C1QTNF2: variants seen among roughly 807,000 people sequenced by gnomAD.
C1QTNF2 encodes the protein complement C1q tumor necrosis factor-related protein 2.
C1QTNF2 carries 15 observed loss-of-function variants against 17.4 expected under a neutral mutation model. The ratio of observed to expected loss-of-function variants is 0.86; its 90% CI spans 0.58 to 1.33. The LOEUF is 1.33. Ranked by LOEUF, C1QTNF2 falls within the 40% of genes most tolerant of loss-of-function variation. The pLI is 0.00. For synonymous variants in C1QTNF2, 154 were observed against 163.3 expected, an observed-to-expected ratio of 0.94 and a Z score of 0.44; for missense variants, 381 against 392.3, an observed-to-expected ratio of 0.97 and a Z score of 0.24.
At chr5:160,352,259 C>T (rs547560283) in intron 2 of C1QTNF2, among the ~76,000 whole-genome samples, 161 of 152,298 alleles carry the variant, frequency 1.1e-3, no homozygotes, top group African/African-American at 3.8e-3. Context: ...GATAAAAAAG[C>T]TTACCAGGAG....
chr5:160,351,302 G>A (rs1264627675), intron 2 of C1QTNF2, among the ~76,000 whole-genome samples: 2 of 152,160 alleles, frequency 1.3e-5, no homozygotes. Flanking sequence ...AACATTTTAA[G>A]CAAAACCTAT....
At chr5:160,369,434 G>A (rs577490836) in intron 1 of C1QTNF2, among the ~76,000 whole-genome samples, 9 of 152,104 alleles carry the variant, frequency 5.9e-5, no homozygotes, top group African/African-American at 4.8e-5. Context: ...TTTGAGGATC[G>A]GGCAGTTGAA....
Position 160,349,027 on chromosome 5 carries a change from G to C in C1QTNF2, c.*141C>G. ...AAAAAGGTTTGGATTTAATGAAGGG[G>C]AAAAAAAGAGGCAGAGGAGGTGAGC... On this transcript the variant is annotated 3_prime_UTR_variant, in exon 3 of 3. Coordinates refer to ENST00000652664, the MANE Select transcript of C1QTNF2 (RefSeq NM_031908.6). This position sits in a 1 kb window ranked among gnomAD's most constrained non-coding sequence, Gnocchi z 4.3. 1 of 1,012,830 alleles carries C rather than the reference G, an allele frequency of 9.9e-7. No individual in the cohort carries two copies. Among genetic ancestry groups the C allele is most frequent in the Non-Finnish European group, 1.4e-6 (1 of 697,188 alleles). The allele number at this position is 1,012,830 out of a possible 1,614,324, so 62.7% of individuals were successfully genotyped here. A position where few individuals can be genotyped will look rare whatever the true frequency, so the allele number is the denominator to read the frequency against.
At chr5:160,359,447 T>C (rs557208628) in intron 1 of C1QTNF2, among the ~76,000 whole-genome samples, 1 of 152,368 alleles carries the variant, frequency 6.6e-6, no homozygotes, top group South Asian at 2.1e-4. Flanking sequence ...GCATTTCTTA[T>C]ATTTTTCCCC....
At chr5:160,360,043 G>C (rs1291782122) in intron 1 of C1QTNF2, among the ~76,000 whole-genome samples, 4 of 151,800 alleles carry the variant, frequency 2.6e-5, no homozygotes, top group Admixed American at 2.6e-4. Context: ...TTGGTTTGCT[G>C]GCTCTTTATC....
chr5:160,351,412 CT>C (rs1486966219), intron 2 of C1QTNF2, among the ~76,000 whole-genome samples: 1 of 152,150 alleles, frequency 6.6e-6, no homozygotes, highest in African/African-American at 2.4e-5. Flanking sequence ...TAACAAGTTA[CT>C]TTGTTTCTTA....
intron 1 of C1QTNF2, among the ~76,000 whole-genome samples, chr5:160,363,086 G>C (rs1448093320): frequency 6.6e-6 from 1 of 152,190 alleles, no homozygotes; most frequent in African/African-American, 2.4e-5. Flanking sequence ...ATCTCACCCA[G>C]CAGGGCAATT....
rs200425949 is a variant in C1QTNF2 at position 160,349,304 on chromosome 5, A to G, written c.722T>C (p.Leu241Pro). The change falls in exon 3 of 3, where the codon CTC (leucine) becomes CCC (proline). Residue 241 changes from leucine to proline, a missense_variant. Transcript: ENST00000652664. The surrounding 1 kb of genome is among the most constrained non-coding windows in gnomAD (Gnocchi z 4.3). ...DVASGSTILA[L>P]KQGDEVWLQI... ...CAGCCAAACTTCGTCACCCTGCTTGAGAGCCAGGATGGTGGAGCCTGAGGC... is the reference window on the plus strand; with the variant it reads ...CAGCCAAACTTCGTCACCCTGCTTGGGAGCCAGGATGGTGGAGCCTGAGGC... 494 of 1,614,014 alleles carry G rather than the reference A, an allele frequency of 3.1e-4. No homozygotes were observed. The highest frequency in any genetic ancestry group is 3.1e-4 in the Non-Finnish European group (368 of 1,180,032).
intron 1 of C1QTNF2, among the ~76,000 whole-genome samples, chr5:160,361,454 A>G (rs769552443): frequency 5.3e-5 from 8 of 152,224 alleles, no homozygotes; most frequent in Non-Finnish European, 1.0e-4. Flanking sequence ...AGATTGGAAG[A>G]TGTAAATTAT....
At chr5:160,364,941 C>A (rs2113533870) in intron 1 of C1QTNF2, among the ~76,000 whole-genome samples, 1 of 152,158 alleles carries the variant, frequency 6.6e-6, no homozygotes, top group African/African-American at 2.4e-5. Flanking sequence ...ACATGGATAC[C>A]CAATAAATAG....
In C1QTNF2 at chr5:160,349,610, C is replaced by T; in HGVS notation, c.416G>A (p.Gly139Asp). ...ATGGCCACTGCCACAGCTGCAGGGG[C>T]CTGGGAGGCCTGGCTCCCCCTTCTT... ...KGKKGEPGLP[G>D]PCSCGSGHTK... is the part of the protein sequence containing the mutation. Residue 139 changes from glycine to aspartate, a missense_variant, in exon 3 of 3, where the codon GGC (glycine) becomes GAC (aspartate). Coordinates refer to ENST00000652664, the MANE Select transcript of C1QTNF2 (RefSeq NM_031908.6). The surrounding 1 kb of genome is among the most constrained non-coding windows in gnomAD (Gnocchi z 4.3). 7 of 1,613,622 alleles carry T rather than the reference C, an allele frequency of 4.3e-6. No homozygotes were observed. The highest frequency in any genetic ancestry group is 5.9e-6 in the Non-Finnish European group (7 of 1,179,922).
At chr5:160,366,092 A>T (rs1477426054) in intron 1 of C1QTNF2, among the ~76,000 whole-genome samples, 1 of 152,120 alleles carries the variant, frequency 6.6e-6, no homozygotes, top group East Asian at 1.9e-4. Context: ...GTAGTCTTTC[A>T]TCCATTGCTC....
intron 2 of C1QTNF2, among the ~76,000 whole-genome samples, 171 bp downstream of exon 2, chr5:160,354,597 A>AAAATATATAT (rs769774870): frequency 1.1e-5 from 1 of 89,302 alleles, no homozygotes; most frequent in African/African-American, 4.8e-5. Flanking sequence ...AAAAAAAAAA[A>AAAATATATAT]GTATATATAT....
chr5:160,365,963 T>A (rs1676719843), intron 1 of C1QTNF2, among the ~76,000 whole-genome samples: 1 of 149,816 alleles, frequency 6.7e-6, no homozygotes, highest in African/African-American at 2.4e-5. Flanking sequence ...AAAAATTTTT[T>A]AATTTCCATA....
chr5:160,354,605 TATATATATA>T (rs1763999457), intron 2 of C1QTNF2, among the ~76,000 whole-genome samples, 154 bp downstream of exon 2: 2 of 29,608 alleles, frequency 6.8e-5, no homozygotes, highest in Non-Finnish European at 2.0e-4. Flanking sequence ...AAAGTATATA[TATATATATA>T]TATATATATA....
intron 1 of C1QTNF2, among the ~76,000 whole-genome samples, chr5:160,359,343 A>T (rs1254015050): frequency 1.3e-5 from 2 of 152,126 alleles, no homozygotes; most frequent in Admixed American, 1.3e-4. Flanking sequence ...GGAGAGGCTA[A>T]TTTACTTATG....
rs200728172 is a variant in C1QTNF2, at chr5:160,354,795, C to T, written c.217G>A (p.Gly73Ser). 37 of 1,613,670 alleles carry T rather than the reference C, an allele frequency of 2.3e-5. No individual in the cohort carries two copies. In the Middle Eastern group the frequency reaches 6.6e-4, roughly 29 times the overall value. ...PGKDGQDGHD[G>S]DRGDSGEEGP... is the part of the protein sequence containing the mutation. ...TCCTCTCCGCTGTCCCCCCGGTCGC[C>T]GTCGTGTCCATCTTGGCCGTCTTTG... The change falls in exon 2 of 3, where the codon GGC becomes AGC. Residue 73 changes from glycine to serine, a missense_variant. Transcript: ENST00000652664.
In C1QTNF2 at chr5:160,349,293, C is replaced by T. The variant is rs1294658428; in HGVS notation, c.733G>A (p.Asp245Asn). 1 of 1,613,968 alleles carries T rather than the reference C, an allele frequency of 6.2e-7. No individual in the cohort carries two copies. The highest frequency in any genetic ancestry group is 1.3e-5 in the African/African-American group (1 of 74,898). The change falls in exon 3 of 3, where the codon GAC becomes AAC. Residue 245 changes from aspartate (D) to asparagine (N), a missense_variant. Physicochemically the swap from Asp to Asn is conservative, Grantham distance 23 (BLOSUM62 1). Transcript: ENST00000652664. This position sits in a 1 kb window ranked among gnomAD's most constrained non-coding sequence, Gnocchi z 4.3. ...GSTILALKQGDEVWLQIFYSE... is the reference protein window; with the variant it reads ...GSTILALKQGNEVWLQIFYSE... ...TAGAAGATCTGCAGCCAAACTTCGT[C>T]ACCCTGCTTGAGAGCCAGGATGGTG... is the stretch of plus-strand genomic sequence containing the variant.
At chr5:160,369,555 G>C (rs17057740) in intron 1 of C1QTNF2, among the ~76,000 whole-genome samples, 1,550 of 152,286 alleles carry the variant, frequency 0.01, 31 homozygotes, top group African/African-American at 0.036. Context: ...AGTGCTAACT[G>C]AGCACCAGCC....
Sources: allele counts gnomAD v4.1 joint callset (sites outside exome capture counted in the v4.1 genomes callset), GRCh38; gene constraint gnomAD v4.1.1; non-coding constraint Gnocchi (gnomAD v3.1); transcripts MANE v1.5; gene names NCBI Gene and HGNC (gene_info 2026-07-23, HGNC 2026-07-21).